The following MED12L variants were observed in gnomAD, a reference collection of about 807,000 sequenced individuals.
MED12L encodes the protein mediator of RNA polymerase II transcription subunit 12-like protein.
A neutral mutation model predicts 281.3 loss-of-function variants in MED12L; 60 were observed. The ratio of observed to expected loss-of-function variants is 0.21; its 90% CI spans 0.17 to 0.26. The LOEUF is 0.26. Ranked by LOEUF, MED12L falls within the 10% of genes least tolerant of loss-of-function variation. The pLI, the probability that MED12L is intolerant of heterozygous loss-of-function variation, is 1.00. For synonymous variants in MED12L, 974 were observed against 987.2 expected (o/e 0.99, Z 0.25); for missense variants, 2,146 against 2,680.9 (o/e 0.80, Z 4.41).
At chr3:151,164,162 C>A in intron 9 of MED12L, 120 bp downstream of exon 9, 1 of 1,066,278 alleles carries the variant, frequency 9.4e-7, no homozygotes, top group Non-Finnish European at 1.3e-6. Flanking sequence ...GTTTTGCCTG[C>A]TAACACTCTG....
chr3:151,131,973 G>C (rs546325479), intron 5 of MED12L, among the ~76,000 whole-genome samples: 3 of 152,048 alleles, frequency 2.0e-5, no homozygotes. Context: ...GATAACATAC[G>C]ATTCTGTTTT....
chr3:151,328,460 C>A, intron 16 of MED12L: 1 of 1,613,842 alleles, frequency 6.2e-7, no homozygotes, highest in South Asian at 1.1e-5. Context: ...CCCCAGAGGC[C>A]CCTTTAAGGA....
chr3:151,151,031 C>CTTTTTTTTTTTTTTT (rs573419924), intron 5 of MED12L, among the ~76,000 whole-genome samples: 679 of 32,874 alleles, frequency 0.021, 258 homozygotes, highest in African/African-American at 0.037. Flanking sequence ...GCTGAAGTAG[C>CTTTTTTTTTTTTTTT]TTTTTTTTTT....
intron 44 of MED12L, 32 bp downstream of exon 44, chr3:151,430,412 G>A: frequency 6.2e-7 from 1 of 1,609,442 alleles, no homozygotes; most frequent in Non-Finnish European, 8.5e-7. Context: ...GGAACAGACA[G>A]CTCCCGGAAA....
intron 38 of MED12L, among the ~76,000 whole-genome samples, chr3:151,391,491 A>G (rs1430627754): frequency 2.6e-5 from 4 of 151,924 alleles, no homozygotes; most frequent in African/African-American, 7.2e-5. Context: ...CTCTGTTGCA[A>G]GCACATCCAA....
chr3:151,205,328 A>G (rs1403763448), intron 16 of MED12L, among the ~76,000 whole-genome samples: 1 of 152,242 alleles, frequency 6.6e-6, no homozygotes. Context: ...TGAATATTTC[A>G]TGGATATTTT....
chr3:151,121,419 G>A (rs1418462598), intron 3 of MED12L, among the ~76,000 whole-genome samples: 1 of 152,188 alleles, frequency 6.6e-6, no homozygotes, highest in East Asian at 1.9e-4. Context: ...ATCAAAGAAT[G>A]TCAGGCTTTT....
chr3:151,269,435 A>ACACACACACACG (rs1740463179), intron 16 of MED12L: 1 of 212,350 alleles, frequency 4.7e-6, no homozygotes, highest in African/African-American at 2.5e-5. Context: ...ACACACACAC[A>ACACACACACACG]CACACAAAAT....
chr3:151,259,975 C>A (rs1738552530), intron 16 of MED12L, among the ~76,000 whole-genome samples: 1 of 152,170 alleles, frequency 6.6e-6, no homozygotes, highest in African/African-American at 2.4e-5. Flanking sequence ...ATATTTTCTT[C>A]ATGTGATACA....
chr3:151,098,097 G>A (rs535024478), intron 2 of MED12L, among the ~76,000 whole-genome samples: 1 of 152,224 alleles, frequency 6.6e-6, no homozygotes, highest in Non-Finnish European at 1.5e-5. Context: ...GGGGCATCCA[G>A]GGGAGAGCTG....
rs750457069 is a variant in MED12L, at chr3:151,377,008, C to T, written c.4146C>T (p.Ala1382=). 6.2e-6 allele frequency: 10 copies of T among 1,613,684 alleles called. No individual in the cohort carries two copies. The South Asian group carries it at 6.6e-5, about 11-fold the overall frequency. Residue 1382 remains alanine (A), a synonymous_variant, in exon 30 of 45, where the codon GCC becomes GCT. Coordinates refer to ENST00000687756, the MANE Select transcript of MED12L (RefSeq NM_001393769.1). Reference sequence around the variant, plus strand: ...AACTCTAGGGCTCTGGTTCTGTGGCCGAAATGAACAACTTACTGGACAATA... The same window carrying T: ...AACTCTAGGGCTCTGGTTCTGTGGCTGAAATGAACAACTTACTGGACAATA... ...CLKDPGSGSV[A]EMNNLLDNIA...
chr3:151,294,612 T>C, intron 16 of MED12L: 1 of 1,614,202 alleles, frequency 6.2e-7, no homozygotes. Flanking sequence ...AACAAGCAGC[T>C]GTTCACATAG....
intron 16 of MED12L, among the ~76,000 whole-genome samples, chr3:151,348,877 TCTC>T (rs1553789296): frequency 6.6e-6 from 1 of 152,186 alleles, no homozygotes; most frequent in Non-Finnish European, 1.5e-5. Context: ...ACATTGGACT[TCTC>T]CTAGTCTGAG....
At chr3:151,330,731 T>C (rs1750252204) in intron 16 of MED12L, among the ~76,000 whole-genome samples, 1 of 152,200 alleles carries the variant, frequency 6.6e-6, no homozygotes, top group Admixed American at 6.5e-5. Context: ...CAGTGTCTAA[T>C]AGTTTTGATT....
intron 16 of MED12L, among the ~76,000 whole-genome samples, chr3:151,282,349 TTTTTTTTTG>T (rs1742928685): frequency 7.6e-6 from 1 of 130,872 alleles, no homozygotes; most frequent in South Asian, 2.5e-4. Flanking sequence ...TATAATTTAG[TTTTTTTTTG>T]TTTTTTTTTG....
chr3:151,139,738 C>G (rs555619770), intron 5 of MED12L, among the ~76,000 whole-genome samples: 9 of 152,214 alleles, frequency 5.9e-5, no homozygotes, highest in African/African-American at 2.2e-4. Flanking sequence ...GGAAGTAGGA[C>G]TGTAAGCATG....
chr3:151,391,319 C>T (rs1282842846), intron 38 of MED12L, among the ~76,000 whole-genome samples: 2 of 152,112 alleles, frequency 1.3e-5, no homozygotes, highest in Admixed American at 1.3e-4. Context: ...GCTTGCTGAC[C>T]CCTGTGCCTG....
rs1367608425 is a variant in MED12L, at chr3:151,342,980, G to A, written c.2251-7079G>A. Among the ~76,000 whole-genome samples the A allele has an allele frequency of 4.6e-5, 7 of 152,056 alleles. 1 individual carries two copies. In the South Asian group the frequency reaches 1.4e-3, roughly 31 times the overall value. On this transcript the variant is annotated intron_variant, in intron 16 of 44. Coordinates refer to ENST00000687756, the MANE Select transcript of MED12L (RefSeq NM_001393769.1). ...AAGAGCAGAGCAGTGAAGTTAGATG[G>A]AGACCCCATTCTGACCTGTGCTGTC... is the stretch of plus-strand genomic sequence containing the variant.
chr3:151,311,965 G>GGAGGTTGCA (rs1379455640), intron 16 of MED12L, among the ~76,000 whole-genome samples: 8 of 152,296 alleles, frequency 5.3e-5, no homozygotes, highest in Non-Finnish European at 8.8e-5. Context: ...CGGAGGTTGC[G>GGAGGTTGCA]GAGGTTGCAG....
Sources: allele counts gnomAD v4.1 joint callset (sites outside exome capture counted in the v4.1 genomes callset), GRCh38; gene constraint gnomAD v4.1.1; transcripts MANE v1.5; gene names NCBI Gene and HGNC (gene_info 2026-07-23, HGNC 2026-07-21).